The following DSCAM variants were observed in gnomAD, a reference collection of about 807,000 sequenced individuals.
DSCAM encodes the protein DS cell adhesion molecule, also known as cell adhesion molecule DSCAM.
DSCAM carries 47 observed loss-of-function variants against 217.7 expected under a neutral mutation model. The observed-to-expected ratio is 0.22, with a 90% CI of 0.17 to 0.28. The LOEUF (loss-of-function observed/expected upper bound fraction) is 0.28. Among genes scored for constraint, DSCAM ranks in the 10% least tolerant of loss-of-function variants. The pLI is 1.00. For synonymous variants in DSCAM, 1,056 were observed against 1,015.3 expected, an observed-to-expected ratio of 1.04 and a Z score of -0.76; for missense variants, 2,080 against 2,618.3, an observed-to-expected ratio of 0.79 and a Z score of 4.49.
intron 32 of DSCAM, among the ~76,000 whole-genome samples, chr21:40,032,006 C>A (rs2088535089): frequency 6.6e-6 from 1 of 152,216 alleles, no homozygotes; most frequent in African/African-American, 2.4e-5. Context: ...TGGCCTCCTA[C>A]AACTCCACAA....
In DSCAM at chr21:40,244,086, GACCA is replaced by G. The variant is rs2146947541; in HGVS notation, c.2356+32007_2356+32010del. 1.3e-5 allele frequency among the ~76,000 whole-genome samples: 2 copies of G among 152,278 alleles called. 1 individual carries two copies. Among genetic ancestry groups the G allele is most frequent in the South Asian group, 4.2e-4 (2 of 4,818 alleles). On this transcript the variant is annotated intron_variant, in intron 11 of 32. Coordinates refer to ENST00000400454, the MANE Select transcript of DSCAM (RefSeq NM_001389.5). ...ACTGGTCTACTGCCATGTGGAAATG[GACCA>G]TTCTGTCACGGTGAACTAATATCTT... is the stretch of plus-strand genomic sequence containing the variant.
At chr21:40,508,441 A>G (rs1257801365) in intron 3 of DSCAM, among the ~76,000 whole-genome samples, 1 of 152,146 alleles carries the variant, frequency 6.6e-6, no homozygotes, top group Non-Finnish European at 1.5e-5. Context: ...TTCAAATGCA[A>G]ATTGTAATGG....
chr21:40,021,221 A>AAAAAAG (rs2088264286), intron 32 of DSCAM, among the ~76,000 whole-genome samples: 1 of 151,696 alleles, frequency 6.6e-6, no homozygotes, highest in Non-Finnish European at 1.5e-5. Flanking sequence ...AAAAAAAAAA[A>AAAAAAG]AAAAAGAAAA....
chr21:40,307,289 T>G (rs1455660361), intron 9 of DSCAM, among the ~76,000 whole-genome samples: 1 of 151,384 alleles, frequency 6.6e-6, no homozygotes, highest in East Asian at 1.9e-4. Flanking sequence ...AACAGACACT[T>G]CTCAAAAGAA....
chr21:40,738,385 T>G (rs2091086337), intron 1 of DSCAM, among the ~76,000 whole-genome samples: 1 of 152,200 alleles, frequency 6.6e-6, no homozygotes. Flanking sequence ...TAATCGCATC[T>G]TCTTCTGCCC....
rs980127512 is a variant in DSCAM, at chr21:40,327,278, C to T, written c.1783+10823G>A. Among the ~76,000 whole-genome samples the T allele has an allele frequency of 6.6e-5, 10 of 152,244 alleles. 1 individual carries two copies. Among genetic ancestry groups the T allele is most frequent in the Non-Finnish European group, 1.5e-4 (10 of 68,010 alleles). ...CATTCTTTTCCCTTTCTTATCTCTA[C>T]ATAATTCTCTCCTTCTCTAAGTTTC... On this transcript the variant is annotated intron_variant, in intron 8 of 32. Transcript: ENST00000400454.
chr21:40,325,775 G>C (rs561240450), intron 8 of DSCAM, among the ~76,000 whole-genome samples: 14 of 152,174 alleles, frequency 9.2e-5, no homozygotes, highest in Non-Finnish European at 2.1e-4. Flanking sequence ...CAGGTACCAG[G>C]ATGCGGGGAA....
intron 28 of DSCAM, among the ~76,000 whole-genome samples, chr21:40,056,512 TGG>T (rs2089026997): frequency 6.6e-6 from 1 of 151,880 alleles, no homozygotes; most frequent in Admixed American, 6.6e-5. Context: ...TAAAACTGCA[TGG>T]TAGAATCGGA....
At chr21:40,738,672 A>T (rs1288667440) in intron 1 of DSCAM, among the ~76,000 whole-genome samples, 1 of 152,226 alleles carries the variant, frequency 6.6e-6, no homozygotes, top group Non-Finnish European at 1.5e-5. Flanking sequence ...GCCCCACCCC[A>T]GAGAATCTGA....
Position 40,641,745 on chromosome 21 carries a change from A to G in DSCAM, c.508+51065T>C, listed in dbSNP as rs373142111. On this transcript the variant is annotated intron_variant, in intron 3 of 32. Transcript: ENST00000400454. ...ATGGAGAGCCTTACTACACACTGATAAAAGCCAAGTTAATATGTATTTCAA... is the reference window on the plus strand; with the variant it reads ...ATGGAGAGCCTTACTACACACTGATGAAAGCCAAGTTAATATGTATTTCAA... Among the ~76,000 whole-genome samples the G allele has an allele frequency of 1.1e-3, 162 of 152,276 alleles. 3 individuals carry two copies. The highest frequency in any genetic ancestry group is 3.6e-3 in the African/African-American group (151 of 41,552).
At chr21:40,068,058 T>C (rs780683703) in intron 27 of DSCAM, among the ~76,000 whole-genome samples, 35 of 152,048 alleles carry the variant, frequency 2.3e-4, no homozygotes, top group Non-Finnish European at 4.3e-4. Flanking sequence ...ACTTCCATCC[T>C]TGGCTCTGGG....
chr21:40,415,124 T>C (rs952884688), intron 3 of DSCAM, among the ~76,000 whole-genome samples: 1 of 152,184 alleles, frequency 6.6e-6, no homozygotes, highest in African/African-American at 2.4e-5. Context: ...AGGTACTCAA[T>C]AGAATGTATT....
intron 1 of DSCAM, among the ~76,000 whole-genome samples, chr21:40,823,092 G>A (rs1017557694): frequency 5.9e-5 from 9 of 152,180 alleles, no homozygotes; most frequent in South Asian, 2.1e-4. Flanking sequence ...AGAAGTTGCC[G>A]TGAGCCGAAA....
chr21:40,391,016 T>A (rs1283339708), intron 3 of DSCAM, among the ~76,000 whole-genome samples: 1 of 152,188 alleles, frequency 6.6e-6, no homozygotes, highest in African/African-American at 2.4e-5. Flanking sequence ...TTTGCAAGTG[T>A]AGGGAGTGGA....
At chr21:40,559,950 T>C (rs462601) in intron 3 of DSCAM, among the ~76,000 whole-genome samples, 120,861 of 151,800 alleles carry the variant, frequency 0.8, 49,397 homozygotes, top group South Asian at 0.93. Flanking sequence ...CCAACTACCA[T>C]GCCCGGCTAA....
chr21:40,302,409 C>A (rs1165575759), intron 9 of DSCAM, among the ~76,000 whole-genome samples: 6 of 152,160 alleles, frequency 3.9e-5, no homozygotes, highest in Non-Finnish European at 7.3e-5. Flanking sequence ...GTAAGACATG[C>A]CTTTCACCTC....
chr21:40,028,759 C>T (rs375512034), intron 32 of DSCAM, among the ~76,000 whole-genome samples: 15 of 152,146 alleles, frequency 9.9e-5, no homozygotes, highest in South Asian at 8.3e-4. Flanking sequence ...GAGATGAACC[C>T]GGTACCTCAG....
intron 20 of DSCAM, among the ~76,000 whole-genome samples, chr21:40,105,816 A>C (rs1051008396): frequency 2.6e-5 from 4 of 151,966 alleles, no homozygotes; most frequent in Non-Finnish European, 5.9e-5. Flanking sequence ...ATTGCACACA[A>C]AAAACTGAGA....
intron 1 of DSCAM, among the ~76,000 whole-genome samples, chr21:40,742,540 A>G (rs2091134282): frequency 6.6e-6 from 1 of 152,348 alleles, no homozygotes; most frequent in South Asian, 2.1e-4. Context: ...CAGAGTTGCA[A>G]GAGAATAAAT....
Sources: gnomAD v4.1 joint callset for allele counts (sites outside exome capture counted in the v4.1 genomes callset) on GRCh38, gnomAD v4.1.1 for gene constraint, MANE v1.5 for transcripts, NCBI Gene and HGNC (gene_info 2026-07-23, HGNC 2026-07-21) for gene names.